Variants in ZNF18 observed in about 807,000 individuals in gnomAD.
ZNF18 encodes heart development-specific gene 1 protein.
ZNF18 carries 42 observed loss-of-function variants against 58.1 expected under a neutral mutation model. The ratio of observed to expected loss-of-function variants is 0.72; its 90% confidence interval spans 0.56 to 0.93. The LOEUF is 0.93. Ranked by LOEUF, ZNF18 falls within the 40% of genes least tolerant of loss-of-function variation. The probability of loss-of-function intolerance (pLI) is 0.00; values close to 1 mark genes in which losing one functional copy is unlikely to be tolerated. For missense variants in ZNF18, 540 were observed against 644.2 expected (o/e 0.84, Z 1.75); for synonymous variants, 231 against 239.8 (o/e 0.96, Z 0.34).
At chr17:12,021,135 C>A in the ZNF18 span, 2 of 456,596 alleles carry the variant, frequency 4.4e-6, no homozygotes, top group Non-Finnish European at 6.8e-6. Context: ...TCTCTCCCTC[C>A]CCGGCTTCCC....
rs149077910 is a variant in ZNF18 at position 11,981,423 on chromosome 17, G to A, written c.862+1874C>T. On this transcript the variant is annotated intron_variant, in intron 6 of 6. Coordinates refer to ENST00000580306, the MANE Select transcript of ZNF18 (RefSeq NM_001303281.2). The stretch of plus-strand genomic sequence containing the variant: ...CAACCTCCGCCTCCCAGGTTCAAGC[G>A]ATTCTCCTGCCTCAGCCTCCCAAGT... 6.6e-3 allele frequency among the ~76,000 whole-genome samples: 987 copies of A among 150,132 alleles called. 9 individuals are homozygous for A. The highest frequency in any genetic ancestry group is 0.042 in the East Asian group (214 of 5,100).
At chr17:12,004,308 G>C in the ZNF18 span, among the ~76,000 whole-genome samples, 1 of 151,898 alleles carries the variant, frequency 6.6e-6, no homozygotes, top group African/African-American at 2.4e-5. Flanking sequence ...GTATGTGCAG[G>C]AATCAGTGGA....
At chr17:11,993,534 G>A (rs903937114) in intron 1 of ZNF18, 1 of 152,150 alleles carries the variant, frequency 6.6e-6, no homozygotes, top group African/African-American at 2.4e-5. Context: ...TAAAGAGGGT[G>A]AGAAGGCTGG....
At chr17:12,007,913 G>A in the ZNF18 span, among the ~76,000 whole-genome samples, 2 of 152,136 alleles carry the variant, frequency 1.3e-5, no homozygotes, top group Non-Finnish European at 2.9e-5. Flanking sequence ...AACACAGAGA[G>A]AGAAGATGAT....
the ZNF18 span, among the ~76,000 whole-genome samples, chr17:12,008,334 G>A: frequency 3.3e-5 from 5 of 152,158 alleles, no homozygotes; most frequent in Admixed American, 3.3e-4. Context: ...TTTGCAGTGA[G>A]TCATAAGTCT....
At chr17:11,995,340 G>A (rs993354829) in intron 1 of ZNF18, among the ~76,000 whole-genome samples, 2 of 147,044 alleles carry the variant, frequency 1.4e-5, no homozygotes, top group Admixed American at 1.4e-4. Flanking sequence ...TTGAACCCAA[G>A]GGGGCAGAGG....
intron 6 of ZNF18, among the ~76,000 whole-genome samples, chr17:11,981,867 G>A (rs921395952): frequency 6.6e-6 from 1 of 151,992 alleles, no homozygotes; most frequent in African/African-American, 2.4e-5. Context: ...TAAGTTCTAT[G>A]GACTAAACTG....
the ZNF18 span, among the ~76,000 whole-genome samples, chr17:12,007,886 G>T: frequency 2.6e-5 from 4 of 152,162 alleles, no homozygotes; most frequent in Non-Finnish European, 5.9e-5. Context: ...TTAGCACAAA[G>T]GGTCTGAACA....
the ZNF18 span, among the ~76,000 whole-genome samples, chr17:12,009,694 C>T: frequency 6.6e-6 from 1 of 152,004 alleles, no homozygotes; most frequent in Non-Finnish European, 1.5e-5. Context: ...CTTAAGTGAT[C>T]CACCCGCCTC....
At chr17:12,010,494 CA>C in the ZNF18 span, among the ~76,000 whole-genome samples, 14 of 152,102 alleles carry the variant, frequency 9.2e-5, no homozygotes, top group Admixed American at 5.2e-4. Context: ...TGGCTCACTG[CA>C]ACCTCTGTCT....
chr17:11,992,393 C>G (rs368919256), intron 2 of ZNF18, 50 bp downstream of exon 2: 9 of 1,574,858 alleles, frequency 5.7e-6, no homozygotes, highest in African/African-American at 1.4e-5. Context: ...CTGATGGGAC[C>G]AGAGAGGAGC....
chr17:12,007,374 T>A, the ZNF18 span, among the ~76,000 whole-genome samples: 3 of 152,208 alleles, frequency 2.0e-5, no homozygotes, highest in African/African-American at 7.2e-5. Flanking sequence ...AGAGCGATTG[T>A]GGAAGAGGCC....
At chr17:12,020,244 G>C in the ZNF18 span, among the ~76,000 whole-genome samples, 2 of 152,100 alleles carry the variant, frequency 1.3e-5, no homozygotes, top group African/African-American at 4.8e-5. Flanking sequence ...AAATTTAATG[G>C]GCATACAAAT....
chr17:12,012,725 G>C, the ZNF18 span, among the ~76,000 whole-genome samples: 4 of 152,104 alleles, frequency 2.6e-5, no homozygotes, highest in Non-Finnish European at 5.9e-5. Context: ...GCCCAGACTG[G>C]AGTGCAATGG....
At chr17:12,003,194 G>A in the ZNF18 span, among the ~76,000 whole-genome samples, 8 of 152,104 alleles carry the variant, frequency 5.3e-5, no homozygotes, top group African/African-American at 1.9e-4. Context: ...GGTGGCTCAC[G>A]CCTGTAATCC....
At chr17:11,989,851 G>C (rs1403766787) in intron 4 of ZNF18, among the ~76,000 whole-genome samples, 1 of 151,716 alleles carries the variant, frequency 6.6e-6, no homozygotes. Flanking sequence ...ATTAACAGCA[G>C]ATCAGATACT....
chr17:12,004,095 G>A, the ZNF18 span, among the ~76,000 whole-genome samples: 6 of 152,334 alleles, frequency 3.9e-5, no homozygotes, highest in East Asian at 9.7e-4. Context: ...GCCGGGTGCA[G>A]TGGCACACGC....
chr17:11,986,180 C>A (rs979006265), intron 4 of ZNF18, among the ~76,000 whole-genome samples: 7 of 152,250 alleles, frequency 4.6e-5, no homozygotes, highest in African/African-American at 1.7e-4. Flanking sequence ...CTGCCGCCAT[C>A]CTTGAAAGAT....
At chr17:12,002,725 G>C in the ZNF18 span, among the ~76,000 whole-genome samples, 1 of 152,210 alleles carries the variant, frequency 6.6e-6, no homozygotes, top group East Asian at 1.9e-4. Context: ...GGGAGATACT[G>C]TGAGAACTTG....
Sources: gnomAD v4.1 joint callset for allele counts (sites outside exome capture counted in the v4.1 genomes callset) on GRCh38, gnomAD v4.1.1 for gene constraint, MANE v1.5 for transcripts, NCBI Gene and HGNC (gene_info 2026-07-23, HGNC 2026-07-21) for gene names.